The following GRM6 variants were observed in gnomAD, a reference collection of about 807,000 sequenced individuals.
GRM6 encodes metabotropic glutamate receptor 6.
GRM6 carries 73 observed loss-of-function variants against 78.4 expected under a neutral mutation model. That is an observed-to-expected ratio of 0.93 (90% CI 0.77 to 1.13). GRM6 has a LOEUF of 1.13. Among genes scored for constraint, GRM6 ranks in the 50% most tolerant of loss-of-function variants. The probability of loss-of-function intolerance (pLI) is 0.00; values close to 1 mark genes in which losing one functional copy is unlikely to be tolerated. For synonymous variants in GRM6, 580 were observed against 555.0 expected (o/e 1.05, Z -0.63); for missense variants, 1,251 against 1,256.4 (o/e 1.00, Z 0.07).
chr5:178,986,614 C>T lies in GRM6; in HGVS notation c.1640G>A (p.Arg547His), dbSNP rs776575798. ...CWHCEACDGYRFQVDEFTCEA... is the reference protein window; with the variant it reads ...CWHCEACDGYHFQVDEFTCEA... Reference sequence around the variant, plus strand: ...GCATGTGAACTCGTCCACCTGGAAGCGGTACCCGTCACAGGCCTCGCAGTG... The same window carrying T: ...GCATGTGAACTCGTCCACCTGGAAGTGGTACCCGTCACAGGCCTCGCAGTG... Residue 547 changes from arginine (R) to histidine (H), a missense_variant, in exon 9 of 11, where the codon CGC (arginine) becomes CAC (histidine). Transcript: ENST00000517717. The T allele has an allele frequency of 4.1e-5, 66 of 1,603,494 alleles. No homozygotes were observed. The highest frequency in any genetic ancestry group is 1.2e-4 in the Admixed American group (7 of 60,002).
intron 9 of GRM6, among the ~76,000 whole-genome samples, chr5:178,984,644 G>C (rs938737833): frequency 9.2e-5 from 14 of 152,126 alleles, no homozygotes; most frequent in Non-Finnish European, 4.4e-5. Context: ...CCGGGACGTA[G>C]AGGGCACCTT....
intron 5 of GRM6, chr5:178,989,961 AC>A (rs1211210468): frequency 4.9e-6 from 1 of 204,470 alleles, no homozygotes; most frequent in Non-Finnish European, 1.0e-5. Flanking sequence ...TATCGCTAAA[AC>A]TACTCTCAGT....
Position 178,983,216 on chromosome 5 carries a change from C to T in GRM6, c.2130G>A (p.Val710=). The change falls in exon 10 of 11, where the codon GTG becomes GTA. Residue 710 remains valine, a synonymous_variant. Coordinates refer to ENST00000517717, the MANE Select transcript of GRM6 (RefSeq NM_000843.4). ...ITFSLTSLQV[V]GMIAWLGARP... ...GGGCCCCCAGCCATGCTATCATCCC[C>T]ACCACCTGCAGGAGCCAACACTGCA... is the stretch of plus-strand genomic sequence containing the variant. 1.9e-6 allele frequency: 3 copies of T among 1,611,370 alleles called. No individual in the cohort carries two copies. The highest frequency in any genetic ancestry group is 2.5e-6 in the Non-Finnish European group (3 of 1,178,594).
In GRM6 at chr5:178,982,973, G is replaced by T. The variant is rs770043730; in HGVS notation, c.2373C>A (p.Thr791=). The change falls in exon 10 of 11, where the codon ACC becomes ACA. Residue 791 remains threonine (T), a synonymous_variant. Coordinates refer to ENST00000517717, the MANE Select transcript of GRM6 (RefSeq NM_000843.4). ...EAKPIGFTMY[T]TCIIWLAFVP... ...CGAATGCCAGCCAGATGATGCAGGT[G>T]GTGTACATGGTGAAGCCGATGGGCT... 2 of 1,614,188 alleles carry T rather than the reference G, an allele frequency of 1.2e-6. No individual in the cohort carries two copies. The highest frequency in any genetic ancestry group is 1.7e-6 in the Non-Finnish European group (2 of 1,179,996).
At chr5:178,990,563 G>T in intron 5 of GRM6, 29 bp downstream of exon 5, 1 of 1,587,268 alleles carries the variant, frequency 6.3e-7, no homozygotes, top group South Asian at 1.1e-5. Flanking sequence ...AGACGTGTGG[G>T]GTGGGGGATG....
In GRM6 at chr5:178,992,745, G is replaced by A. The variant is rs1474256813; in HGVS notation, c.505-662C>T. ...GCAAGAGGGGCTATAGCAGGAGCTG[G>A]TGTGAAGGCCAGAGAGGGGGAGTTT... On this transcript the variant is annotated intron_variant, in intron 2 of 10. Transcript: ENST00000517717. The surrounding 1 kb of genome is among the most constrained non-coding windows in gnomAD (Gnocchi z 4.9). Among the ~76,000 whole-genome samples, 2 of 152,100 alleles carry A rather than the reference G, an allele frequency of 1.3e-5. No homozygotes were observed. Among genetic ancestry groups the A allele is most frequent in the Non-Finnish European group, 2.9e-5 (2 of 68,012 alleles).
At position 178,980,559 on chromosome 5, in the gene GRM6, G is replaced by A. The variant is rs1760377129; in HGVS notation, c.*1098C>T. The A allele has an allele frequency of 6.5e-6, 1 of 154,180 alleles. No individual in the cohort carries two copies. The highest frequency in any genetic ancestry group is 1.5e-5 in the Non-Finnish European group (1 of 68,086). The allele number at this position is 154,180 out of a possible 1,614,324, so 9.6% of individuals were successfully genotyped here. A position where few individuals can be genotyped will look rare whatever the true frequency, so the allele number is the denominator to read the frequency against. On this transcript the variant is annotated 3_prime_UTR_variant, in exon 11 of 11. Transcript: ENST00000517717. This position sits in a 1 kb window ranked among gnomAD's most constrained non-coding sequence, Gnocchi z 4.3. The stretch of plus-strand genomic sequence containing the variant: ...CCGAACACAACACAAATGCACCCCT[G>A]CTCCTTGTTCTCACATCACTAACAT...
rs1159711005 is a variant in GRM6 at position 178,994,874 on chromosome 5, G to T, written c.71C>A (p.Ala24Glu). The change falls in exon 2 of 11, where the codon GCG becomes GAG. Residue 24 changes from alanine (A) to glutamate (E), a missense_variant. Ala to Glu is a moderately radical substitution (Grantham distance 107, BLOSUM62 -1). Transcript: ENST00000517717. ...ALLPLAWLAQAGLARAAGSVR... is the reference protein window; with the variant it reads ...ALLPLAWLAQEGLARAAGSVR... ...AGAGCCCGCCGCGCGCGCCAGGCCC[G>T]CCTGCGCCAGCCACGCCAGCGGCAG... 2 of 1,202,418 alleles carry T rather than the reference G, an allele frequency of 1.7e-6. No homozygotes were observed. Among genetic ancestry groups the T allele is most frequent in the South Asian group, 3.0e-5 (1 of 32,898 alleles). 74.5% of individuals were successfully genotyped at this position (1,202,418 alleles called of 1,614,324 possible). A position where few individuals can be genotyped will look rare whatever the true frequency, so the allele number is the denominator to read the frequency against.
intron 9 of GRM6, chr5:178,985,718 AAC>A: frequency 4.8e-6 from 2 of 420,970 alleles, no homozygotes; most frequent in Non-Finnish European, 9.3e-6. Context: ...AAAAAAACAA[AAC>A]AACACAGGAA....
Position 178,983,200 on chromosome 5 carries a change from G to A in GRM6, c.2146C>T (p.Leu716=). Residue 716 remains leucine (L), a synonymous_variant, in exon 10 of 11, where the codon CTG becomes TTG. Transcript: ENST00000517717. Reference sequence around the variant, plus strand: ...ACGCTGTGTGGGGGCCGGGCCCCCAGCCATGCTATCATCCCCACCACCTGC... The same window carrying A: ...ACGCTGTGTGGGGGCCGGGCCCCCAACCATGCTATCATCCCCACCACCTGC... ...SLQVVGMIAW[L]GARPPHSVID... The A allele has an allele frequency of 1.2e-6, 2 of 1,612,354 alleles. No individual in the cohort carries two copies. The highest frequency in any genetic ancestry group is 1.7e-6 in the Non-Finnish European group (2 of 1,179,044).
In GRM6 at chr5:178,981,947, T is replaced by A. The variant is rs1265649420; in HGVS notation, c.2437-93A>T. 2.3e-6 allele frequency: 2 copies of A among 886,238 alleles called. No homozygotes were observed. Among genetic ancestry groups the A allele is most frequent in the African/African-American group, 3.3e-5 (2 of 61,214 alleles). The allele number at this position is 886,238 out of a possible 1,614,324, so 54.9% of individuals were successfully genotyped here. A position where few individuals can be genotyped will look rare whatever the true frequency, so the allele number is the denominator to read the frequency against. On this transcript the variant is annotated intron_variant, in intron 10 of 10. Coordinates refer to ENST00000517717, the MANE Select transcript of GRM6 (RefSeq NM_000843.4). This position sits in a 1 kb window ranked among gnomAD's most constrained non-coding sequence, Gnocchi z 5.1. ...TCACCACATACTCTGGAGCTGAGTC[T>A]GTTTCAGTTGGGGAACTGGGAATGA...
rs563976478 is a variant in GRM6 at position 178,994,768 on chromosome 5, C to T, written c.177G>A (p.Gln59=). 249 of 1,392,496 alleles carry T rather than the reference C, an allele frequency of 1.8e-4. No homozygotes were observed. In the African/African-American group the frequency reaches 3.5e-3, roughly 19 times the overall value. The allele number at this position is 1,392,496 out of a possible 1,614,324, so 86.3% of individuals were successfully genotyped here. The change falls in exon 2 of 11, where the codon CAG becomes CAA. Residue 59 remains glutamine, a synonymous_variant. Transcript: ENST00000517717. ...GGTGCACGCCCTGCTCCTTCTTCAG[C>T]TGCCCGCACGCCCGGCCCGCCGCGC... ...ARGAAGRACG[Q]LKKEQGVHRL...
chr5:178,992,389 A>C lies in GRM6; in HGVS notation c.505-306T>G. 1 of 369,816 alleles carries C rather than the reference A, an allele frequency of 2.7e-6. No individual in the cohort carries two copies. The highest frequency in any genetic ancestry group is 5.0e-6 in the Non-Finnish European group (1 of 201,240). 22.9% of individuals were successfully genotyped at this position (369,816 alleles called of 1,614,324 possible). On this transcript the variant is annotated intron_variant, in intron 2 of 10. Coordinates refer to ENST00000517717, the MANE Select transcript of GRM6 (RefSeq NM_000843.4). This position sits in a 1 kb window ranked among gnomAD's most constrained non-coding sequence, Gnocchi z 4.9. ...TATACTGGTACAAGCTGTGTCCTGA[A>C]CAAGGACCCCCAGCAGAGGGCCTGC...
At chr5:178,990,378 C>G (rs997092397) in intron 5 of GRM6, among the ~76,000 whole-genome samples, 9 of 152,382 alleles carry the variant, frequency 5.9e-5, no homozygotes, top group African/African-American at 2.2e-4. Flanking sequence ...AATTCCTCCC[C>G]GTCCAGTGAG....
In GRM6 at chr5:178,988,998, G is replaced by A. The variant is rs768987346; in HGVS notation, c.1291C>T (p.Pro431Ser). 1.2e-4 allele frequency: 187 copies of A among 1,613,950 alleles called. No individual in the cohort carries two copies. The highest frequency in any genetic ancestry group is 1.6e-4 in the Non-Finnish European group (187 of 1,180,002). The change falls in exon 7 of 11, where the codon CCG becomes TCG. Residue 431 changes from proline to serine, a missense_variant. Pro to Ser is a moderately conservative substitution (Grantham distance 74). Transcript: ENST00000517717. This position sits in a 1 kb window ranked among gnomAD's most constrained non-coding sequence, Gnocchi z 6.0. The stretch of plus-strand genomic sequence containing the variant: ...CGCCCATCAGTGGGTTCCATCGCCG[G>A]GCACAGGCCTGTGTGCCCAGGGCAG... ...ALCPGHTGLC[P>S]AMEPTDGRML...
chr5:178,991,892 G>C lies in GRM6; in HGVS notation c.696C>G (p.Ala232=), dbSNP rs1760682925. ...EGNYGESGVE[A]FVQISREAGG... ...CAGCCTCTCGGGAGATCTGAACGAAGGCCTCAACCCCACTTTCGCCATAGT... is the reference window on the plus strand; with the variant it reads ...CAGCCTCTCGGGAGATCTGAACGAACGCCTCAACCCCACTTTCGCCATAGT... The change falls in exon 3 of 11, where the codon GCC becomes GCG. Residue 232 remains alanine (A), a synonymous_variant. Coordinates refer to ENST00000517717, the MANE Select transcript of GRM6 (RefSeq NM_000843.4). This position sits in a 1 kb window ranked among gnomAD's most constrained non-coding sequence, Gnocchi z 5.0. 5.6e-6 allele frequency: 9 copies of C among 1,613,960 alleles called. No individual in the cohort carries two copies. Among genetic ancestry groups the C allele is most frequent in the Non-Finnish European group, 7.6e-6 (9 of 1,179,964 alleles).
At chr5:178,985,196 T>C in intron 9 of GRM6, 1 of 448,368 alleles carries the variant, frequency 2.2e-6, no homozygotes, top group Non-Finnish European at 4.5e-6. Context: ...ACCGGTCAGA[T>C]AGCTCTTTGA....
chr5:178,987,939 T>C (rs1332765253), intron 7 of GRM6, among the ~76,000 whole-genome samples: 3 of 147,848 alleles, frequency 2.0e-5, no homozygotes, highest in Non-Finnish European at 4.5e-5. Flanking sequence ...TTTGTATTTT[T>C]AGTAGAGATG....
Position 178,985,614 on chromosome 5 carries a change from A to G in GRM6, c.2124+516T>C, listed in dbSNP as rs748792499. On this transcript the variant is annotated intron_variant, in intron 9 of 10. Coordinates refer to ENST00000517717, the MANE Select transcript of GRM6 (RefSeq NM_000843.4). ...GCTACTCGGGAGGCTGAGGCAGGAGAATGGCGTGAACCCGGAAGGCAGAGC... is the reference window on the plus strand; with the variant it reads ...GCTACTCGGGAGGCTGAGGCAGGAGGATGGCGTGAACCCGGAAGGCAGAGC... 18 of 357,452 alleles carry G rather than the reference A, an allele frequency of 5.0e-5. 1 individual carries two copies. The highest frequency in any genetic ancestry group is 2.8e-4 in the African/African-American group (13 of 45,898). 22.1% of individuals were successfully genotyped at this position (357,452 alleles called of 1,614,324 possible). A position where few individuals can be genotyped will look rare whatever the true frequency, so the allele number is the denominator to read the frequency against.
Sources: gnomAD v4.1 joint callset for allele counts (sites outside exome capture counted in the v4.1 genomes callset) on GRCh38, gnomAD v4.1.1 for gene constraint, Gnocchi (gnomAD v3.1) non-coding constraint, MANE v1.5 for transcripts, NCBI Gene and HGNC (gene_info 2026-07-23, HGNC 2026-07-21) for gene names.